Variants in NAV3 observed in about 807,000 individuals in gnomAD.
The protein encoded by NAV3 is pore membrane and/or filament interacting like protein 1.
A neutral mutation model predicts 244.7 loss-of-function variants in NAV3; 87 were observed. The ratio of observed to expected loss-of-function variants is 0.36; its 90% CI spans 0.30 to 0.42. The LOEUF (loss-of-function observed/expected upper bound fraction) is 0.42. NAV3 is among the 20% of genes least tolerant of loss of function. The pLI is 1.00. For missense variants in NAV3, 2,663 were observed against 2,893.3 expected (o/e 0.92, Z 1.83); for synonymous variants, 1,126 against 1,042.2 (o/e 1.08, Z -1.55).
At chr12:77,893,779 G>A (rs755601864) in intron 1 of NAV3, among the ~76,000 whole-genome samples, 6 of 152,122 alleles carry the variant, frequency 3.9e-5, no homozygotes, top group African/African-American at 7.2e-5. Context: ...TTCCAGTGGT[G>A]GTTAAATCAA....
chr12:78,177,210 A>C lies in NAV3; in HGVS notation c.5194A>C (p.Ile1732Leu), dbSNP rs1173755596. 1 of 1,613,398 alleles carries C rather than the reference A, an allele frequency of 6.2e-7. No homozygotes were observed. The highest frequency in any genetic ancestry group is 8.5e-7 in the Non-Finnish European group (1 of 1,179,620). The change falls in exon 27 of 40, where the codon ATT becomes CTT. Residue 1732 changes from isoleucine to leucine, a missense_variant. Transcript: ENST00000397909. The part of the protein sequence containing the change: ...STKPPSSHSD[I>L]EELTDSSLPA... ...CAAGCCTCCTTCATCACATTCTGAC[A>C]TTGAAGAGCTTACTGATTCATCCCT...
At chr12:78,180,809 T>C in intron 29 of NAV3, 62 bp from the exon 30 acceptor site, 1 of 1,358,038 alleles carries the variant, frequency 7.4e-7, no homozygotes, top group South Asian at 1.4e-5. Flanking sequence ...GATAAAAGAC[T>C]TGGTGCTATT....
At chr12:77,937,904 G>A (rs1012478109) in intron 1 of NAV3, among the ~76,000 whole-genome samples, 3 of 152,158 alleles carry the variant, frequency 2.0e-5, no homozygotes, top group African/African-American at 7.2e-5. Flanking sequence ...CTTTACAAGT[G>A]CTATCTTATT....
intron 2 of NAV3, among the ~76,000 whole-genome samples, chr12:77,780,418 G>A (rs1053996689): frequency 4.6e-5 from 7 of 152,028 alleles, no homozygotes; most frequent in Admixed American, 2.6e-4. Flanking sequence ...CTCAACAAGC[G>A]AGACAGATTT....
At chr12:78,099,800 T>TAA (rs199814844) in intron 12 of NAV3, among the ~76,000 whole-genome samples, 26 of 151,752 alleles carry the variant, frequency 1.7e-4, no homozygotes, top group African/African-American at 6.3e-4. Context: ...TCAGCCCATT[T>TAA]AAAAAAAATA....
At chr12:78,095,229 C>T (rs769348589) in intron 12 of NAV3, among the ~76,000 whole-genome samples, 17 of 151,970 alleles carry the variant, frequency 1.1e-4, no homozygotes, top group Non-Finnish European at 7.4e-5. Context: ...AATAAAACCT[C>T]TGTACCAGAA....
intron 1 of NAV3, among the ~76,000 whole-genome samples, chr12:77,850,875 A>G (rs1279700549): frequency 6.6e-6 from 1 of 152,116 alleles, no homozygotes; most frequent in Non-Finnish European, 1.5e-5. Context: ...ATGTGCTGTG[A>G]GACTTGGGCT....
chr12:78,125,769 C>T (rs941683260), intron 16 of NAV3, among the ~76,000 whole-genome samples: 2 of 152,120 alleles, frequency 1.3e-5, no homozygotes, highest in African/African-American at 4.8e-5. Flanking sequence ...AAACATATTT[C>T]TAAATAAAGC....
At chr12:77,627,670 C>T (rs912269467) in intron 2 of NAV3, among the ~76,000 whole-genome samples, 4 of 152,156 alleles carry the variant, frequency 2.6e-5, no homozygotes, top group Non-Finnish European at 5.9e-5. Context: ...AGCAATTCCA[C>T]TACTGGATAT....
intron 1 of NAV3, among the ~76,000 whole-genome samples, chr12:77,926,375 T>A (rs992576020): frequency 2.0e-5 from 3 of 152,284 alleles, no homozygotes; most frequent in South Asian, 4.1e-4. Flanking sequence ...ACCTTATGCA[T>A]CTTACCTTCC....
chr12:77,901,344 C>T (rs1330450276), intron 1 of NAV3, among the ~76,000 whole-genome samples: 2 of 152,122 alleles, frequency 1.3e-5, no homozygotes, highest in African/African-American at 2.4e-5. Flanking sequence ...TTCTAGGATT[C>T]TTAGAGTTTG....
chr12:77,934,834 GT>G (rs1262946058), intron 1 of NAV3, among the ~76,000 whole-genome samples: 1 of 152,064 alleles, frequency 6.6e-6, no homozygotes, highest in African/African-American at 2.4e-5. Context: ...AAACAATAAT[GT>G]TTTAAATAAG....
chr12:78,057,943 A>G (rs1410886941), intron 11 of NAV3, among the ~76,000 whole-genome samples: 1 of 152,274 alleles, frequency 6.6e-6, no homozygotes, highest in Non-Finnish European at 1.5e-5. Context: ...CACAGCAATC[A>G]TTTGTTATCA....
intron 1 of NAV3, among the ~76,000 whole-genome samples, chr12:77,906,251 A>G (rs775371390): frequency 1.1e-4 from 16 of 152,058 alleles, no homozygotes; most frequent in Non-Finnish European, 2.1e-4. Flanking sequence ...CACACACAGA[A>G]AGGCAGAGAG....
At chr12:78,024,773 C>G (rs578247815) in intron 9 of NAV3, among the ~76,000 whole-genome samples, 3 of 152,152 alleles carry the variant, frequency 2.0e-5, no homozygotes, top group South Asian at 4.2e-4. Context: ...GTCAGGAGAT[C>G]GAGACCATCC....
chr12:78,144,469 T>A (rs750185390), intron 20 of NAV3, among the ~76,000 whole-genome samples: 5 of 152,110 alleles, frequency 3.3e-5, no homozygotes, highest in African/African-American at 4.8e-5. Flanking sequence ...AAAAATATAT[T>A]AATATTCTGG....
chr12:77,769,662 G>A (rs757581678), intron 2 of NAV3, among the ~76,000 whole-genome samples: 2 of 152,178 alleles, frequency 1.3e-5, no homozygotes, highest in Admixed American at 6.5e-5. Context: ...ATTATCTCAA[G>A]TGGATTACTT....
chr12:77,814,418 A>G (rs1565824254), intron 2 of NAV3, among the ~76,000 whole-genome samples: 1 of 152,324 alleles, frequency 6.6e-6, no homozygotes, highest in South Asian at 2.1e-4. Context: ...TATACCATGC[A>G]AATTAAAAGA....
chr12:78,102,669 G>T (rs116786181), intron 12 of NAV3, among the ~76,000 whole-genome samples: 25 of 152,288 alleles, frequency 1.6e-4, no homozygotes, highest in African/African-American at 5.5e-4. Flanking sequence ...CTCTTTCCTG[G>T]GCATCCAGGC....
Sources: allele counts gnomAD v4.1 joint callset (sites outside exome capture counted in the v4.1 genomes callset), GRCh38; gene constraint gnomAD v4.1.1; transcripts MANE v1.5; gene names NCBI Gene and HGNC (gene_info 2026-07-23, HGNC 2026-07-21).